ADD3: variants seen among roughly 807,000 people sequenced by gnomAD.
ADD3 encodes the protein adducin 3, also known as gamma-adducin.
In ADD3, 25 loss-of-function variants were observed where a neutral mutation model predicts 80.2. The observed-to-expected ratio is 0.31, with a 90% confidence interval of 0.23 to 0.44. The LOEUF is 0.44. Among genes scored for constraint, ADD3 ranks in the 20% least tolerant of loss-of-function variants. The pLI is 1.00. For missense variants in ADD3, 829 were observed against 847.5 expected, an observed-to-expected ratio of 0.98 and a Z score of 0.27; for synonymous variants, 284 against 289.6, an observed-to-expected ratio of 0.98 and a Z score of 0.20.
At chr10:110,024,226 G>T (rs1339201493) in intron 1 of ADD3, among the ~76,000 whole-genome samples, 1 of 152,146 alleles carries the variant, frequency 6.6e-6, no homozygotes, top group East Asian at 1.9e-4. Flanking sequence ...GAAGGCATTG[G>T]GCTTTGCAAT....
rs61881612 is a variant in ADD3, at chr10:110,023,280, G to T, written c.-30+14981G>T. Among the ~76,000 whole-genome samples, 663 of 152,302 alleles carry T rather than the reference G, an allele frequency of 4.4e-3. 4 individuals carry two copies. Among genetic ancestry groups the T allele is most frequent in the Non-Finnish European group, 8.0e-3 (543 of 68,018 alleles). ...AGCTCCCTCACTCCTTCCTCCATGTGATGACAAGCAAGATGACAACTATCT... is the reference window on the plus strand; with the variant it reads ...AGCTCCCTCACTCCTTCCTCCATGTTATGACAAGCAAGATGACAACTATCT... On this transcript the variant is annotated intron_variant, in intron 1 of 14. Coordinates refer to ENST00000356080, the MANE Select transcript of ADD3 (RefSeq NM_016824.5).
At chr10:110,018,752 T>TG (rs1853299823) in intron 1 of ADD3, among the ~76,000 whole-genome samples, 1 of 152,156 alleles carries the variant, frequency 6.6e-6, no homozygotes, top group Non-Finnish European at 1.5e-5. Flanking sequence ...TATAAGGCAT[T>TG]TAACAGCTAC....
At chr10:110,051,773 G>C (rs1257897259) in intron 1 of ADD3, among the ~76,000 whole-genome samples, 1 of 152,200 alleles carries the variant, frequency 6.6e-6, no homozygotes, top group Non-Finnish European at 1.5e-5. Flanking sequence ...TAACTTAATT[G>C]TATAGATTCC....
intron 6 of ADD3, 138 bp downstream of exon 6, chr10:110,118,874 C>A: frequency 1.2e-6 from 1 of 858,196 alleles, no homozygotes; most frequent in South Asian, 2.0e-5. Context: ...AAGCAAAAGG[C>A]CTTTGGGACC....
In ADD3 at chr10:110,018,526, CAAAAA is replaced by C. The variant is rs59949041; in HGVS notation, c.-30+10248_-30+10252del. Among the ~76,000 whole-genome samples, 115 of 49,532 alleles carry C rather than the reference CAAAAA, an allele frequency of 2.3e-3. 1 individual carries two copies. Among genetic ancestry groups the C allele is most frequent in the African/African-American group, 5.4e-3 (107 of 19,992 alleles). The allele number at this position is 49,532 out of a possible 152,430, so 32.5% of individuals were successfully genotyped here. The stretch of plus-strand genomic sequence containing the variant: ...CTGGGTGACAAGTGAGACTTTGTCT[CAAAAA>C]AAAAAAAAAAAAAAAAAAAAGAGTT... On this transcript the variant is annotated intron_variant, in intron 1 of 14. Coordinates refer to ENST00000356080, the MANE Select transcript of ADD3 (RefSeq NM_016824.5).
chr10:110,065,547 T>TTTTTTTTC (rs1843835893), intron 1 of ADD3, among the ~76,000 whole-genome samples: 1 of 100,894 alleles, frequency 9.9e-6, no homozygotes, highest in Non-Finnish European at 2.3e-5. Flanking sequence ...CCCTTTTTTT[T>TTTTTTTTC]TTTTTTTTTT....
intron 1 of ADD3, among the ~76,000 whole-genome samples, chr10:110,079,461 A>AGAGT (rs1443672023): frequency 3.4e-3 from 332 of 97,444 alleles, no homozygotes; most frequent in African/African-American, 0.013. Flanking sequence ...AGAGAGAGAG[A>AGAGT]GTGTGTGTGT....
intron 1 of ADD3, among the ~76,000 whole-genome samples, chr10:110,035,788 T>C (rs1305805201): frequency 6.6e-6 from 1 of 152,164 alleles, no homozygotes; most frequent in Non-Finnish European, 1.5e-5. Context: ...AGACTCAGTG[T>C]TTTTTTAGGC....
At chr10:110,043,983 C>A (rs766476802) in intron 1 of ADD3, among the ~76,000 whole-genome samples, 4 of 151,908 alleles carry the variant, frequency 2.6e-5, no homozygotes, top group Non-Finnish European at 4.4e-5. Flanking sequence ...CTGAGGTGGG[C>A]GGATCACGAG....
intron 1 of ADD3, among the ~76,000 whole-genome samples, chr10:110,020,483 G>A (rs75694994): frequency 0.011 from 1,738 of 152,180 alleles, 29 homozygotes; most frequent in African/African-American, 0.036. Context: ...GGATGTCTGC[G>A]GGGAAGAACA....
intron 1 of ADD3, among the ~76,000 whole-genome samples, chr10:110,027,296 C>A (rs766040817): frequency 1.4e-4 from 22 of 152,032 alleles, no homozygotes; most frequent in Admixed American, 4.6e-4. Flanking sequence ...TTCAGTGATG[C>A]CTTTTGTACA....
intron 9 of ADD3, chr10:110,123,785 G>A (rs1273723758): frequency 4.0e-6 from 2 of 504,178 alleles, no homozygotes; most frequent in Non-Finnish European, 7.1e-6. Context: ...GGGAACAGTT[G>A]TGTGAGTGGA....
At chr10:110,008,567 G>A (rs528608459) in intron 1 of ADD3, among the ~76,000 whole-genome samples, 89 of 152,308 alleles carry the variant, frequency 5.8e-4, no homozygotes, top group African/African-American at 1.8e-3. Flanking sequence ...ACGGCCTGCG[G>A]CGCCGCCGGG....
intron 1 of ADD3, among the ~76,000 whole-genome samples, chr10:110,019,357 CT>C (rs11392689): frequency 1.4e-3 from 195 of 138,158 alleles, no homozygotes; most frequent in East Asian, 2.9e-3. Context: ...TTTCTGTTTG[CT>C]TTTTTTTTTT....
At chr10:110,081,537 C>G (rs1305113030) in intron 1 of ADD3, among the ~76,000 whole-genome samples, 1 of 151,906 alleles carries the variant, frequency 6.6e-6, no homozygotes, top group Admixed American at 6.6e-5. Context: ...AGTACAGTGT[C>G]AGTTACTTTG....
intron 2 of ADD3, among the ~76,000 whole-genome samples, chr10:110,101,563 G>A (rs996579763): frequency 4.0e-5 from 6 of 150,370 alleles, no homozygotes; most frequent in Non-Finnish European, 8.8e-5. Context: ...CTTGAGCCCA[G>A]AAGGTCAAGA....
At chr10:110,001,414 CAA>C (rs35498781), upstream of ADD3, among the ~76,000 whole-genome samples, 1,292 of 120,256 alleles carry the variant, frequency 0.011, 6 homozygotes, top group African/African-American at 0.028. Flanking sequence ...GACCCTGTCT[CAA>C]AAAAAAAAAA....
At chr10:110,054,072 A>G (rs975124574) in intron 1 of ADD3, among the ~76,000 whole-genome samples, 14 of 152,192 alleles carry the variant, frequency 9.2e-5, no homozygotes, top group Non-Finnish European at 1.5e-5. Flanking sequence ...AATGTTTGAA[A>G]ACTAAGCTGT....
chr10:110,007,251 G>C (rs1387750093), upstream of ADD3, among the ~76,000 whole-genome samples: 1 of 152,178 alleles, frequency 6.6e-6, no homozygotes, highest in African/African-American at 2.4e-5. Context: ...GAAGACTCTC[G>C]AGGGGTCCAA....
Sources: allele counts gnomAD v4.1 joint callset (sites outside exome capture counted in the v4.1 genomes callset), GRCh38; gene constraint gnomAD v4.1.1; transcripts MANE v1.5; gene names NCBI Gene and HGNC (gene_info 2026-07-23, HGNC 2026-07-21).